ZNF69: variants seen among roughly 807,000 people sequenced by gnomAD.
ZNF69 encodes zinc finger protein 69, also known as ZNF3.
A neutral mutation model predicts 50.9 loss-of-function variants in ZNF69; 47 were observed. The observed-to-expected ratio is 0.92, with a 90% CI of 0.73 to 1.18. The LOEUF (loss-of-function observed/expected upper bound fraction) is 1.18. Ranked by LOEUF, ZNF69 falls within the 50% of genes most tolerant of loss-of-function variation. The probability of loss-of-function intolerance (pLI) is 0.00; values close to 1 mark genes in which losing one functional copy is unlikely to be tolerated. For synonymous variants in ZNF69, 216 were observed against 223.1 expected, an observed-to-expected ratio of 0.97 and a Z score of 0.29; for missense variants, 717 against 675.1, an observed-to-expected ratio of 1.06 and a Z score of -0.69.
chr19:11,912,124 A>G (rs1972466997), intron 4 of ZNF69, among the ~76,000 whole-genome samples: 1 of 152,186 alleles, frequency 6.6e-6, no homozygotes, highest in Non-Finnish European at 1.5e-5. Flanking sequence ...GAATGTAAGC[A>G]ATGTGGGAAA....
At chr19:11,963,031 A>G in the ZNF69 span, among the ~76,000 whole-genome samples, 1 of 150,372 alleles carries the variant, frequency 6.7e-6, no homozygotes, top group African/African-American at 2.5e-5. Flanking sequence ...ATGTTTTACA[A>G]TTAGACCATC....
At chr19:11,949,139 A>T in the ZNF69 span, 1 of 1,612,288 alleles carries the variant, frequency 6.2e-7, no homozygotes. Flanking sequence ...AAAGGCTTTT[A>T]TTCTGCCAAG....
At chr19:11,977,223 G>A in the ZNF69 span, 6 of 1,603,236 alleles carry the variant, frequency 3.7e-6, no homozygotes, top group Non-Finnish European at 5.1e-6. Flanking sequence ...TCTAGCTCAT[G>A]AATGCTGTTG....
the ZNF69 span, chr19:11,978,514 A>T: frequency 6.2e-7 from 1 of 1,614,112 alleles, no homozygotes; most frequent in East Asian, 2.2e-5. Flanking sequence ...CACAGTGGGG[A>T]TGGACCTTAT....
the ZNF69 span, among the ~76,000 whole-genome samples, chr19:11,922,836 T>C: frequency 6.6e-6 from 1 of 151,744 alleles, no homozygotes; most frequent in African/African-American, 2.4e-5. Flanking sequence ...TTTGATTTTT[T>C]TTTTTTTTGA....
the ZNF69 span, among the ~76,000 whole-genome samples, chr19:11,962,139 C>T: frequency 3.3e-5 from 5 of 151,608 alleles, no homozygotes; most frequent in African/African-American, 4.8e-5. Flanking sequence ...AGTGGGAGGA[C>T]GGGCGTGGTG....
At chr19:11,926,847 G>A in the ZNF69 span, among the ~76,000 whole-genome samples, 1 of 152,142 alleles carries the variant, frequency 6.6e-6, no homozygotes, top group Non-Finnish European at 1.5e-5. Flanking sequence ...ATTTCAGTTG[G>A]AAGAGTTTAT....
chr19:11,893,028 T>A (rs1977134264), intron 1 of ZNF69, among the ~76,000 whole-genome samples: 1 of 151,958 alleles, frequency 6.6e-6, no homozygotes, highest in Non-Finnish European at 1.5e-5. Flanking sequence ...AAACACGGGG[T>A]TTTACCACGT....
chr19:11,940,757 C>T, the ZNF69 span, among the ~76,000 whole-genome samples: 37 of 152,108 alleles, frequency 2.4e-4, no homozygotes, highest in East Asian at 1.5e-3. Flanking sequence ...TTGGTATAGC[C>T]GAGTGGTCTG....
chr19:11,905,782 A>T lies in ZNF69; in HGVS notation c.1385A>T (p.His462Leu). 1.2e-6 allele frequency: 2 copies of T among 1,613,606 alleles called. No individual in the cohort carries two copies. The highest frequency in any genetic ancestry group is 3.3e-4 in the Middle Eastern group (2 of 6,060). ...AGATCTATGAAGAACCTTCAAAGTC[A>T]TGAAAGGACACAAACACACGTAAGA... ...AFRSMKNLQS[H>L]ERTQTHVRIH... is the part of the protein sequence containing the mutation. The change falls in exon 4 of 4, where the codon CAT (histidine) becomes CTT (leucine). Residue 462 changes from histidine to leucine, a missense_variant. His to Leu is a moderately conservative substitution (Grantham distance 99, BLOSUM62 -3). Transcript: ENST00000429654.
chr19:11,977,797 G>A, the ZNF69 span, among the ~76,000 whole-genome samples: 1 of 152,210 alleles, frequency 6.6e-6, no homozygotes, highest in Non-Finnish European at 1.5e-5. Flanking sequence ...GTTAAAGGCT[G>A]TGGTAAGCAA....
At chr19:11,901,320 G>C (rs971864240) in intron 1 of ZNF69, among the ~76,000 whole-genome samples, 8 of 152,118 alleles carry the variant, frequency 5.3e-5, no homozygotes, top group Non-Finnish European at 7.4e-5. Context: ...TATGCTGGAG[G>C]TTGCACTTTT....
At chr19:11,921,481 ATTTCTTTTG>A in the ZNF69 span, among the ~76,000 whole-genome samples, 1 of 146,120 alleles carries the variant, frequency 6.8e-6, no homozygotes, top group South Asian at 2.2e-4. Context: ...GAAATGGAAA[ATTTCTTTTG>A]TTTGTTTGTT....
chr19:11,976,783 TTGAACCCCGGTCA>T, the ZNF69 span: 12 of 1,020,578 alleles, frequency 1.2e-5, no homozygotes, highest in African/African-American at 3.4e-5. Context: ...GGAGAATCGC[TTGAACCCCGGTCA>T]TGAGCCAAGA....
At chr19:11,900,145 G>A (rs891692587) in intron 1 of ZNF69, among the ~76,000 whole-genome samples, 3 of 151,936 alleles carry the variant, frequency 2.0e-5, no homozygotes, top group African/African-American at 4.8e-5. Flanking sequence ...GTAGAGACAG[G>A]GTTTCACCAT....
At position 11,903,879 on chromosome 19, in the gene ZNF69, A is replaced by G. The variant is rs192786529; in HGVS notation, c.191-26A>G. 660 of 1,612,170 alleles carry G rather than the reference A, an allele frequency of 4.1e-4. 9 individuals are homozygous for G. The East Asian group carries it at 9.9e-3, about 24-fold the overall frequency. On this transcript the variant is annotated intron_variant, in intron 2 of 3. Transcript: ENST00000429654. The stretch of plus-strand genomic sequence containing the variant: ...TTTCACAATTTTATACTGCCTCAGG[A>G]CTATTTTTCTGTGTCTATATTTTAG...
At chr19:11,941,817 C>T in the ZNF69 span, among the ~76,000 whole-genome samples, 27 of 152,216 alleles carry the variant, frequency 1.8e-4, no homozygotes, top group African/African-American at 3.1e-4. Flanking sequence ...GCGCCAAGAG[C>T]GAGCGAGGGC....
At chr19:11,891,098 C>T (rs1036285810) in intron 1 of ZNF69, among the ~76,000 whole-genome samples, 11 of 152,178 alleles carry the variant, frequency 7.2e-5, no homozygotes, top group African/African-American at 1.9e-4. Context: ...GAATTCAAGA[C>T]GAGTCACAAA....
At chr19:11,973,859 G>A in the ZNF69 span, among the ~76,000 whole-genome samples, 1 of 152,068 alleles carries the variant, frequency 6.6e-6, no homozygotes, top group Non-Finnish European at 1.5e-5. Flanking sequence ...GTAGGATTGA[G>A]ACTACTGAAT....
Sources: gnomAD v4.1 joint callset for allele counts (sites outside exome capture counted in the v4.1 genomes callset) on GRCh38, gnomAD v4.1.1 for gene constraint, MANE v1.5 for transcripts, NCBI Gene and HGNC (gene_info 2026-07-23, HGNC 2026-07-21) for gene names.